The following LRRC38 variants were observed in gnomAD, a reference collection of about 807,000 sequenced individuals.
LRRC38 encodes leucine rich repeat containing 38.
LRRC38 carries 5 observed loss-of-function variants against 16.4 expected under a neutral mutation model. The ratio of observed to expected loss-of-function variants is 0.31; its 90% CI spans 0.16 to 0.64. The LOEUF (loss-of-function observed/expected upper bound fraction) is 0.64. Ranked by LOEUF, LRRC38 falls within the 30% of genes least tolerant of loss-of-function variation. LRRC38 has a pLI of 0.80. For missense variants in LRRC38, 341 were observed against 401.8 expected, an observed-to-expected ratio of 0.85 and a Z score of 1.29; for synonymous variants, 191 against 190.2, an observed-to-expected ratio of 1.00 and a Z score of -0.04.
At position 13,481,108 on chromosome 1, in the gene LRRC38, G is replaced by A. The variant is rs532326357; in HGVS notation, c.632-5009C>T. 8.5e-5 allele frequency among the ~76,000 whole-genome samples: 13 copies of A among 152,196 alleles called. No homozygotes were observed. The South Asian group carries it at 2.7e-3, about 32-fold the overall frequency. On this transcript the variant is annotated intron_variant, in intron 1 of 1. Coordinates refer to ENST00000376085, the MANE Select transcript of LRRC38 (RefSeq NM_001010847.2). Reference sequence around the variant, plus strand: ...GTAACTAGGGTGTGGCTGTCCTGATGGGATTAGTGTTCTTCCTCCCCACCC... The same window carrying A: ...GTAACTAGGGTGTGGCTGTCCTGATAGGATTAGTGTTCTTCCTCCCCACCC...
chr1:13,504,207 A>G (rs1384201817), intron 1 of LRRC38, among the ~76,000 whole-genome samples: 2 of 150,430 alleles, frequency 1.3e-5, no homozygotes, highest in East Asian at 4.0e-4. Flanking sequence ...TTGAGGTCAA[A>G]GGAGAGATGC....
chr1:13,475,504 A>G lies in LRRC38; in HGVS notation c.*342T>C. On this transcript the variant is annotated 3_prime_UTR_variant, in exon 2 of 2. Transcript: ENST00000376085. The surrounding 1 kb of genome is among the most constrained non-coding windows in gnomAD (Gnocchi z 4.3). ...AGAATGGCGTAAAATCATCTTTGCC[A>G]TTGAAAGCTGCCAGTCTTCACATTT... The G allele has an allele frequency of 3.9e-6, 1 of 257,706 alleles. No individual in the cohort carries two copies. The highest frequency in any genetic ancestry group is 7.7e-5 in the East Asian group (1 of 12,940). 16.0% of individuals were successfully genotyped at this position (257,706 alleles called of 1,614,324 possible). A position where few individuals can be genotyped will look rare whatever the true frequency, so the allele number is the denominator to read the frequency against.
At chr1:13,502,123 T>C (rs1403250011) in intron 1 of LRRC38, among the ~76,000 whole-genome samples, 5 of 149,138 alleles carry the variant, frequency 3.4e-5, no homozygotes, top group African/African-American at 1.2e-4. Context: ...GTATTTTTAG[T>C]AGAGACGGGG....
intron 1 of LRRC38, among the ~76,000 whole-genome samples, chr1:13,493,552 T>C (rs1006079981): frequency 4.6e-5 from 7 of 152,148 alleles, no homozygotes; most frequent in African/African-American, 7.2e-5. Context: ...CCGATGTGAT[T>C]AGATAAAGGT....
Position 13,513,584 on chromosome 1 carries a change from G to C in LRRC38, c.10C>G (p.Arg4Gly). ...GCCGCGGCGGCGCAGGCTGGGGCTC[G>C]GGGGCGCATGGCCGGGGGGCCCGCG... MRPRAPACAAAALG... is the reference protein window; with the variant it reads MRPGAPACAAAALG... Residue 4 changes from arginine to glycine, a missense_variant, in exon 1 of 2, where the codon CGA becomes GGA. Arg to Gly is a moderately radical substitution (Grantham distance 125). Transcript: ENST00000376085. 3 of 1,168,724 alleles carry C rather than the reference G, an allele frequency of 2.6e-6. No homozygotes were observed. The highest frequency in any genetic ancestry group is 8.4e-5 in the South Asian group (2 of 23,770). 72.4% of individuals were successfully genotyped at this position (1,168,724 alleles called of 1,614,324 possible). A position where few individuals can be genotyped will look rare whatever the true frequency, so the allele number is the denominator to read the frequency against.
intron 1 of LRRC38, among the ~76,000 whole-genome samples, chr1:13,492,147 T>C (rs1639020682): frequency 6.6e-6 from 1 of 152,208 alleles, no homozygotes; most frequent in Non-Finnish European, 1.5e-5. Flanking sequence ...CAGGCAAATA[T>C]TATTCTACTT....
At chr1:13,508,867 T>C (rs989114990) in intron 1 of LRRC38, among the ~76,000 whole-genome samples, 2 of 152,088 alleles carry the variant, frequency 1.3e-5, no homozygotes, top group African/African-American at 4.8e-5. Context: ...GTGTCTGACA[T>C]CAGAAAACGG....
At chr1:13,481,390 T>TTA (rs1553134538) in intron 1 of LRRC38, among the ~76,000 whole-genome samples, 40 of 130,196 alleles carry the variant, frequency 3.1e-4, no homozygotes, top group African/African-American at 1.0e-3. Context: ...TTTTTATTTT[T>TTA]TTTTTTTTGT....
At chr1:13,488,498 C>T (rs1044563795) in intron 1 of LRRC38, among the ~76,000 whole-genome samples, 1 of 152,016 alleles carries the variant, frequency 6.6e-6, no homozygotes, top group African/African-American at 2.4e-5. Context: ...TCTTGAACTC[C>T]TGACCTCATG....
rs531639426 is a variant in LRRC38 at position 13,488,489 on chromosome 1, C to G, written c.632-12390G>C. ...GTTTCACCATGTTGGCCAGGCTGGT[C>G]TTGAACTCCTGACCTCATGATCCAC... is the stretch of plus-strand genomic sequence containing the variant. On this transcript the variant is annotated intron_variant, in intron 1 of 1. Coordinates refer to ENST00000376085, the MANE Select transcript of LRRC38 (RefSeq NM_001010847.2). 2.0e-4 allele frequency among the ~76,000 whole-genome samples: 30 copies of G among 152,130 alleles called. No homozygotes were observed. The East Asian group carries it at 5.8e-3, about 30-fold the overall frequency.
chr1:13,513,187 G>A lies in LRRC38; in HGVS notation c.407C>T (p.Ala136Val). 6.4e-7 allele frequency: 1 copy of A among 1,550,520 alleles called. No homozygotes were observed. The highest frequency in any genetic ancestry group is 8.7e-7 in the Non-Finnish European group (1 of 1,146,968). The change falls in exon 1 of 2, where the codon GCT becomes GTT. Residue 136 changes from alanine to valine, a missense_variant. Physicochemically the swap from Ala to Val is moderately conservative, Grantham distance 64 (BLOSUM62 0). Coordinates refer to ENST00000376085, the MANE Select transcript of LRRC38 (RefSeq NM_001010847.2). ...GTGCACGCCCACCAGGTTGTTGTTA[G>A]CCAGGCTAAGCTTCACCAGCCTCCC... ...SAGRLVKLSLANNNLVGVHED... is the reference protein window; with the variant it reads ...SAGRLVKLSLVNNNLVGVHED...
intron 1 of LRRC38, among the ~76,000 whole-genome samples, chr1:13,509,946 C>T (rs1639256227): frequency 6.6e-6 from 1 of 152,196 alleles, no homozygotes; most frequent in East Asian, 1.9e-4. Flanking sequence ...TACCCCCAGG[C>T]CCTCATTCAG....
intron 1 of LRRC38, among the ~76,000 whole-genome samples, chr1:13,479,239 G>T: frequency 6.6e-6 from 1 of 151,450 alleles, no homozygotes; most frequent in Non-Finnish European, 1.5e-5. Flanking sequence ...AGCCTACCCC[G>T]GCCAAAAACG....
At position 13,513,500 on chromosome 1, in the gene LRRC38, A is replaced by G; in HGVS notation, c.94T>C (p.Cys32Arg). 1 of 1,486,344 alleles carries G rather than the reference A, an allele frequency of 6.7e-7. No homozygotes were observed. Among genetic ancestry groups the G allele is most frequent in the South Asian group, 1.3e-5 (1 of 74,618 alleles). 92.1% of individuals were successfully genotyped at this position (1,486,344 alleles called of 1,614,324 possible). ...LAPGHACPAG[C>R]ACTDPHTVDC... ...ACGGTGTGCGGGTCGGTGCAGGCGC[A>G]GCCCGCGGGGCACGCGTGCCCGGGC... The change falls in exon 1 of 2, where the codon TGC (cysteine) becomes CGC (arginine). Residue 32 changes from cysteine (C) to arginine (R), a missense_variant. Coordinates refer to ENST00000376085, the MANE Select transcript of LRRC38 (RefSeq NM_001010847.2).
At chr1:13,488,517 A>G (rs79427946) in intron 1 of LRRC38, among the ~76,000 whole-genome samples, 143,868 of 152,036 alleles carry the variant, frequency 0.95, 68,214 homozygotes, top group African/African-American at 0.99. Flanking sequence ...TGATCCACCC[A>G]CCTCGGCCTC....
At position 13,512,872 on chromosome 1, in the gene LRRC38, A is replaced by AACCC. The variant is rs576983274; in HGVS notation, c.631+87_631+90dup. ...CCCCCAAGCCTCCTCTTCCAAACTC[A>AACCC]ACCCACGGCTCCTCCCACCCAGACT... On this transcript the variant is annotated intron_variant, in intron 1 of 1. Coordinates refer to ENST00000376085, the MANE Select transcript of LRRC38 (RefSeq NM_001010847.2). 2.4e-4 allele frequency: 330 copies of AACCC among 1,366,888 alleles called. 3 individuals carry two copies. The East Asian group carries it at 8.2e-3, about 34-fold the overall frequency. The allele number at this position is 1,366,888 out of a possible 1,614,324, so 84.7% of individuals were successfully genotyped here.
intron 1 of LRRC38, among the ~76,000 whole-genome samples, chr1:13,511,391 T>C (rs372716424): frequency 6.6e-6 from 1 of 151,966 alleles, no homozygotes; most frequent in Non-Finnish European, 1.5e-5. Flanking sequence ...CCAGGGCTCT[T>C]TGGAGATCTC....
intron 1 of LRRC38, among the ~76,000 whole-genome samples, chr1:13,506,703 C>T (rs573526017): frequency 6.6e-6 from 1 of 152,348 alleles, no homozygotes; most frequent in Non-Finnish European, 1.5e-5. Flanking sequence ...AGGTGATTCG[C>T]CCGCCTTGGC....
chr1:13,486,252 C>T (rs1040620052), intron 1 of LRRC38, among the ~76,000 whole-genome samples: 2 of 152,138 alleles, frequency 1.3e-5, no homozygotes, highest in African/African-American at 2.4e-5. Flanking sequence ...TCTGTGTCTC[C>T]GTCTTGCAAG....
Sources: gnomAD v4.1 joint callset for allele counts (sites outside exome capture counted in the v4.1 genomes callset) on GRCh38, gnomAD v4.1.1 for gene constraint, Gnocchi (gnomAD v3.1) non-coding constraint, MANE v1.5 for transcripts, NCBI Gene and HGNC (gene_info 2026-07-23, HGNC 2026-07-21) for gene names.